VRK2: variants seen among roughly 807,000 people sequenced by gnomAD.
VRK2 encodes serine/threonine-protein kinase VRK2.
Under a neutral mutation model 57.6 loss-of-function variants are expected in VRK2, and 60 were observed. The ratio of observed to expected loss-of-function variants is 1.04; its 90% CI spans 0.85 to 1.29. The LOEUF (loss-of-function observed/expected upper bound fraction) is 1.29, where lower values mean the gene tolerates loss of function less well. VRK2 is among the 50% of genes most tolerant of loss of function. VRK2 has a pLI of 0.00. For missense variants in VRK2, 705 were observed against 588.1 expected, an observed-to-expected ratio of 1.20 and a Z score of -2.06; for synonymous variants, 231 against 199.2, an observed-to-expected ratio of 1.16 and a Z score of -1.35.
chr2:58,021,134 C>G (rs903586345), intron 1 of VRK2, among the ~76,000 whole-genome samples: 4 of 152,140 alleles, frequency 2.6e-5, no homozygotes, highest in African/African-American at 9.7e-5. Context: ...ATGAAAACAT[C>G]TTCAACTACT....
At chr2:58,156,454 C>T (rs1683865600) in intron 12 of VRK2, among the ~76,000 whole-genome samples, 1 of 152,108 alleles carries the variant, frequency 6.6e-6, no homozygotes, top group Admixed American at 6.6e-5. Context: ...ATGCCTTAAT[C>T]TCTCTTATTT....
At chr2:57,942,311 G>C (rs941178261) in intron 1 of VRK2, among the ~76,000 whole-genome samples, 3 of 152,184 alleles carry the variant, frequency 2.0e-5, no homozygotes, top group Admixed American at 6.5e-5. Context: ...CAACTAATTT[G>C]TGTATAAAAA....
intron 1 of VRK2, among the ~76,000 whole-genome samples, chr2:57,925,997 T>G (rs1572867788): frequency 6.6e-6 from 1 of 152,094 alleles, no homozygotes; most frequent in African/African-American, 2.4e-5. Context: ...CACTGGTCAT[T>G]CAGGAGCATA....
At chr2:57,954,737 A>T (rs1278594299) in intron 1 of VRK2, among the ~76,000 whole-genome samples, 1 of 152,056 alleles carries the variant, frequency 6.6e-6, no homozygotes, top group Non-Finnish European at 1.5e-5. Context: ...TGTAAATTTT[A>T]AAATCATGAG....
chr2:58,093,826 T>C (rs1244920036), intron 7 of VRK2, among the ~76,000 whole-genome samples: 1 of 152,336 alleles, frequency 6.6e-6, no homozygotes, highest in East Asian at 1.9e-4. Flanking sequence ...TAATCCATCT[T>C]GAATTAATTT....
At chr2:58,147,427 A>G (rs902081318) in intron 12 of VRK2, among the ~76,000 whole-genome samples, 4 of 151,940 alleles carry the variant, frequency 2.6e-5, no homozygotes, top group African/African-American at 7.2e-5. Context: ...TTTAGTTCCT[A>G]TTGGTAAAAT....
At chr2:57,971,811 A>G (rs531585556) in intron 1 of VRK2, among the ~76,000 whole-genome samples, 1 of 152,070 alleles carries the variant, frequency 6.6e-6, no homozygotes, top group East Asian at 1.9e-4. Flanking sequence ...AATACAGGAA[A>G]GTCTGCTTTA....
chr2:58,103,287 T>TA (rs533803913), intron 7 of VRK2, among the ~76,000 whole-genome samples: 37 of 150,804 alleles, frequency 2.5e-4, no homozygotes, highest in African/African-American at 8.2e-4. Flanking sequence ...AAAATTAAAA[T>TA]AAAAAAATCA....
At chr2:58,044,430 T>C (rs1481434784), upstream of VRK2, among the ~76,000 whole-genome samples, 1 of 152,218 alleles carries the variant, frequency 6.6e-6, no homozygotes, top group East Asian at 1.9e-4. Context: ...GCCCATATCC[T>C]TTCTAGGGGT....
chr2:58,131,414 C>G (rs569526115), intron 8 of VRK2, among the ~76,000 whole-genome samples: 20 of 151,854 alleles, frequency 1.3e-4, no homozygotes, highest in Non-Finnish European at 4.4e-5. Context: ...ACCCTATGGA[C>G]TTCCTGGAAC....
At position 58,086,007 on chromosome 2, in the gene VRK2, C is replaced by A. The variant is rs533297689; in HGVS notation, c.257-332C>A. The stretch of plus-strand genomic sequence containing the variant: ...AAGAAAAAGCCATCTCTCTACTGAT[C>A]TTTTGGTGGTTAACATATGTTATAT... On this transcript the variant is annotated intron_variant, in intron 4 of 12. Coordinates refer to ENST00000340157, the MANE Select transcript of VRK2 (RefSeq NM_006296.7). 1.9e-3 allele frequency among the ~76,000 whole-genome samples: 268 copies of A among 139,634 alleles called. 2 individuals carry two copies. Among genetic ancestry groups the A allele is most frequent in the African/African-American group, 6.7e-3 (257 of 38,270 alleles). The allele number at this position is 139,634 out of a possible 152,430, so 91.6% of individuals were successfully genotyped here. A position where few individuals can be genotyped will look rare whatever the true frequency, so the allele number is the denominator to read the frequency against.
intron 2 of VRK2, among the ~76,000 whole-genome samples, chr2:58,083,111 TTAC>T (rs1227333026): frequency 6.6e-6 from 1 of 151,798 alleles, no homozygotes; most frequent in Non-Finnish European, 1.5e-5. Flanking sequence ...AGTCTGTTTC[TTAC>T]TGATTTTCAA....
chr2:58,086,591 G>T (rs751086857), intron 5 of VRK2, among the ~76,000 whole-genome samples, 165 bp downstream of exon 5: 1 of 152,154 alleles, frequency 6.6e-6, no homozygotes, highest in Non-Finnish European at 1.5e-5. Flanking sequence ...TGGCTTATCT[G>T]TATGATTCTA....
At chr2:58,079,440 T>G (rs1283433298) in intron 2 of VRK2, among the ~76,000 whole-genome samples, 1 of 152,138 alleles carries the variant, frequency 6.6e-6, no homozygotes, top group African/African-American at 2.4e-5. Context: ...TTGCCCCAAT[T>G]ATTACTGTGA....
At chr2:58,048,615 A>C (rs1572843393) in intron 1 of VRK2, 1 of 1,481,922 alleles carries the variant, frequency 6.7e-7, no homozygotes. Context: ...TTTTTAAAAT[A>C]TCTATACCTC....
intron 1 of VRK2, among the ~76,000 whole-genome samples, chr2:57,957,041 C>T (rs1323065705): frequency 2.0e-5 from 3 of 152,020 alleles, no homozygotes; most frequent in African/African-American, 4.8e-5. Flanking sequence ...GGAAATTATT[C>T]TCCCTCTTAC....
intron 2 of VRK2, among the ~76,000 whole-genome samples, chr2:58,079,432 G>A (rs1558606486): frequency 6.6e-6 from 1 of 151,828 alleles, no homozygotes; most frequent in African/African-American, 2.4e-5. Flanking sequence ...ATTATTACTT[G>A]CCCCAATTAT....
chr2:58,077,439 G>T lies in VRK2; in HGVS notation c.137-6650G>T, dbSNP rs973028979. ...AATTCCTGCCCCCTACCCACAATCT[G>T]TGTAGGTGAGTTATTCTTCTGTCTC... On this transcript the variant is annotated intron_variant, in intron 2 of 12. Coordinates refer to ENST00000340157, the MANE Select transcript of VRK2 (RefSeq NM_006296.7). 1.1e-4 allele frequency among the ~76,000 whole-genome samples: 16 copies of T among 152,022 alleles called. 1 individual carries two copies. Among genetic ancestry groups the T allele is most frequent in the African/African-American group, 3.9e-4 (16 of 41,508 alleles).
chr2:57,944,811 T>A (rs1387573420), intron 1 of VRK2, among the ~76,000 whole-genome samples: 3 of 126,212 alleles, frequency 2.4e-5, no homozygotes, highest in East Asian at 2.1e-4. Flanking sequence ...AAAAAAGTCA[T>A]CCCCCTTGTT....
Sources: allele counts gnomAD v4.1 joint callset (sites outside exome capture counted in the v4.1 genomes callset), GRCh38; gene constraint gnomAD v4.1.1; transcripts MANE v1.5; gene names NCBI Gene and HGNC (gene_info 2026-07-23, HGNC 2026-07-21).